Variants in MYO10 observed in about 807,000 individuals in gnomAD.
MYO10 encodes the protein unconventional myosin-X.
A neutral mutation model predicts 257.3 loss-of-function variants in MYO10; 133 were observed. The observed-to-expected ratio is 0.52, with a 90% CI of 0.45 to 0.60. The LOEUF (loss-of-function observed/expected upper bound fraction) is 0.60, where lower values mean the gene tolerates loss of function less well. Among genes scored for constraint, MYO10 ranks in the 20% least tolerant of loss-of-function variants. The pLI is 0.00. For synonymous variants in MYO10, 1,104 were observed against 1,028.6 expected, an observed-to-expected ratio of 1.07 and a Z score of -1.40; for missense variants, 2,399 against 2,635.7, an observed-to-expected ratio of 0.91 and a Z score of 1.97.
In MYO10 at chr5:16,694,558, A is replaced by G. The variant is rs878996025; in HGVS notation, c.3613T>C (p.Leu1205=). The G allele has an allele frequency of 6.2e-7, 1 of 1,614,036 alleles. No individual in the cohort carries two copies. Among genetic ancestry groups the G allele is most frequent in the Non-Finnish European group, 8.5e-7 (1 of 1,179,884 alleles). The change falls in exon 27 of 41, where the codon TTG becomes CTG. Residue 1205 remains leucine, a synonymous_variant. Transcript: ENST00000513610. Reference sequence around the variant, plus strand: ...GCCTCCTGCTTGGAGCGGAACCACAAGAAGGTTTCATCCTTGAGGACGCAC... The same window carrying G: ...GCCTCCTGCTTGGAGCGGAACCACAGGAAGGTTTCATCCTTGAGGACGCAC... ...RWCVLKDETF[L]WFRSKQEALK... is the part of the protein sequence containing the mutation.
chr5:16,687,068 T>C (rs772366649), intron 28 of MYO10, among the ~76,000 whole-genome samples: 1 of 152,136 alleles, frequency 6.6e-6, no homozygotes. Flanking sequence ...ACACCTGTGA[T>C]TCCAGCACTT....
chr5:16,672,930 G>C, intron 36 of MYO10, 105 bp from the exon 37 acceptor site: 4 of 1,312,778 alleles, frequency 3.0e-6, no homozygotes, highest in Non-Finnish European at 4.1e-6. Flanking sequence ...TGGCACAAGG[G>C]CGTCTCCAGC....
chr5:16,746,154 G>A (rs1031174613), intron 19 of MYO10, among the ~76,000 whole-genome samples: 1 of 152,102 alleles, frequency 6.6e-6, no homozygotes, highest in Non-Finnish European at 1.5e-5. Context: ...CCCCTTTTTA[G>A]ACGATATAGG....
chr5:16,677,416 C>CTTTTTTTTTTTTTTTTTTTTT (rs796474728), intron 33 of MYO10, among the ~76,000 whole-genome samples: 23 of 119,378 alleles, frequency 1.9e-4, no homozygotes, highest in South Asian at 6.0e-4. Context: ...GTAACTTGAC[C>CTTTTTTTTTTTTTTTTTTTTT]TTTTTTTTTT....
chr5:16,721,116 CT>C (rs1402873581), intron 19 of MYO10, among the ~76,000 whole-genome samples: 1 of 152,140 alleles, frequency 6.6e-6, no homozygotes, highest in African/African-American at 2.4e-5. Flanking sequence ...AAGTTAAAGA[CT>C]CCATAAGAAT....
chr5:16,804,706 G>A (rs1019614798), intron 3 of MYO10, among the ~76,000 whole-genome samples: 4 of 152,124 alleles, frequency 2.6e-5, no homozygotes, highest in African/African-American at 9.7e-5. Context: ...CTTGAGCCCA[G>A]GAGTTTGAGA....
chr5:16,852,357 C>A (rs1183841162), intron 2 of MYO10, among the ~76,000 whole-genome samples: 1 of 151,874 alleles, frequency 6.6e-6, no homozygotes, highest in Non-Finnish European at 1.5e-5. Flanking sequence ...AGAAAAAGTT[C>A]TTCTCCCCAT....
At chr5:16,796,361 G>T (rs1580001049) in intron 3 of MYO10, among the ~76,000 whole-genome samples, 2 of 74,202 alleles carry the variant, frequency 2.7e-5, no homozygotes, top group Non-Finnish European at 5.5e-5. Flanking sequence ...AGAAAGGAAA[G>T]AAAGGGAAGA....
At chr5:16,726,692 T>C (rs982555510) in intron 19 of MYO10, among the ~76,000 whole-genome samples, 1 of 152,212 alleles carries the variant, frequency 6.6e-6, no homozygotes, top group Non-Finnish European at 1.5e-5. Context: ...GTATACTTCC[T>C]GGTACATATT....
At chr5:16,716,562 A>G (rs1369704394) in intron 19 of MYO10, among the ~76,000 whole-genome samples, 1 of 107,734 alleles carries the variant, frequency 9.3e-6, no homozygotes, top group Non-Finnish European at 2.0e-5. Flanking sequence ...GGGACATTCA[A>G]TCTGTGCTTA....
intron 2 of MYO10, among the ~76,000 whole-genome samples, chr5:16,861,364 G>A (rs142204266): frequency 0.013 from 1,977 of 151,886 alleles, 60 homozygotes; most frequent in African/African-American, 0.045. Flanking sequence ...TCAGGGGTTC[G>A]AGACCAGCCT....
At position 16,698,955 on chromosome 5, in the gene MYO10, C is replaced by T. The variant is rs1327407189; in HGVS notation, c.3556+495G>A. On this transcript the variant is annotated intron_variant, in intron 26 of 40. Coordinates refer to ENST00000513610, the MANE Select transcript of MYO10 (RefSeq NM_012334.3). ...TGCAGTTTATCATGAGAATGGGTCT[C>T]GACCAATTCCAGCAGCAGCAGCAAC... is the stretch of plus-strand genomic sequence containing the variant. 2.0e-5 allele frequency among the ~76,000 whole-genome samples: 3 copies of T among 151,996 alleles called. 1 individual carries two copies. The highest frequency in any genetic ancestry group is 4.1e-4 in the South Asian group (2 of 4,820).
intron 2 of MYO10, among the ~76,000 whole-genome samples, chr5:16,829,090 T>C (rs567746986): frequency 6.6e-6 from 1 of 152,216 alleles, no homozygotes; most frequent in South Asian, 2.1e-4. Context: ...GGGGCTGTTA[T>C]GGTAGAAATG....
chr5:16,800,497 AAGGGTAC>A (rs1390064365), intron 3 of MYO10, among the ~76,000 whole-genome samples: 1 of 152,186 alleles, frequency 6.6e-6, no homozygotes, highest in African/African-American at 2.4e-5. Flanking sequence ...GAAGCTTCTG[AAGGGTAC>A]AGCATGTGCT....
chr5:16,809,791 T>G (rs979980152), intron 3 of MYO10, among the ~76,000 whole-genome samples: 3 of 152,212 alleles, frequency 2.0e-5, no homozygotes, highest in South Asian at 2.1e-4. Flanking sequence ...CTGATCTCTG[T>G]GCTGTTTGTT....
chr5:16,893,262 C>A (rs1745120838), intron 1 of MYO10, among the ~76,000 whole-genome samples: 1 of 149,230 alleles, frequency 6.7e-6, no homozygotes. Context: ...GATAAGGAGG[C>A]TGAAGAGGAT....
intron 27 of MYO10, among the ~76,000 whole-genome samples, chr5:16,692,144 G>A (rs1353416813): frequency 6.6e-6 from 1 of 152,196 alleles, no homozygotes; most frequent in East Asian, 1.9e-4. Flanking sequence ...CTGCAGGCCA[G>A]GCACAGTGGC....
chr5:16,699,336 C>A, intron 26 of MYO10, 114 bp downstream of exon 26: 1 of 1,356,040 alleles, frequency 7.4e-7, no homozygotes, highest in Non-Finnish European at 9.9e-7. Context: ...AGTCCCCATC[C>A]ATCAGCCCAG....
In MYO10 at chr5:16,866,243, C is replaced by T. The variant is rs946544877; in HGVS notation, c.120+11366G>A. Among the ~76,000 whole-genome samples, 6 of 152,290 alleles carry T rather than the reference C, an allele frequency of 3.9e-5. 1 individual carries two copies. The highest frequency in any genetic ancestry group is 4.1e-4 in the South Asian group (2 of 4,828). The stretch of plus-strand genomic sequence containing the variant: ...TTACAGCTGTGAGCAAATGCACATA[C>T]GCAACGGCACCAGCGTTAAAGCTGG... On this transcript the variant is annotated intron_variant, in intron 2 of 40. Transcript: ENST00000513610.
Sources: allele counts gnomAD v4.1 joint callset (sites outside exome capture counted in the v4.1 genomes callset), GRCh38; gene constraint gnomAD v4.1.1; transcripts MANE v1.5; gene names NCBI Gene and HGNC (gene_info 2026-07-23, HGNC 2026-07-21).